Variants in LRCH3 observed in about 807,000 individuals in gnomAD.
LRCH3 encodes leucine rich repeats and calponin homology domain containing 3.
In LRCH3, 68 loss-of-function variants were observed where a neutral mutation model predicts 104.5. The ratio of observed to expected loss-of-function variants is 0.65; its 90% confidence interval spans 0.54 to 0.80. LRCH3 has a LOEUF of 0.80. Among genes scored for constraint, LRCH3 ranks in the 30% least tolerant of loss-of-function variants. LRCH3 has a pLI of 0.00. For missense variants in LRCH3, 951 were observed against 953.9 expected (o/e 1.00, Z 0.04); for synonymous variants, 344 against 361.3 (o/e 0.95, Z 0.54).
At chr3:197,834,535 C>T (rs1736419787) in intron 8 of LRCH3, among the ~76,000 whole-genome samples, 2 of 152,202 alleles carry the variant, frequency 1.3e-5, no homozygotes, top group Admixed American at 1.3e-4. Context: ...TACCTTTTCT[C>T]TTTTTTGTGT....
chr3:197,876,549 A>G (rs1712912477), intron 20 of LRCH3, among the ~76,000 whole-genome samples: 2 of 152,242 alleles, frequency 1.3e-5, no homozygotes, highest in African/African-American at 2.4e-5. Context: ...ACTAAGTATT[A>G]TACTATTAAG....
intron 10 of LRCH3, 133 bp from the exon 11 acceptor site, chr3:197,847,276 C>A: frequency 1.3e-6 from 1 of 759,404 alleles, no homozygotes; most frequent in Non-Finnish European, 2.1e-6. Flanking sequence ...GCTACTCCTT[C>A]AATGCTAACT....
At chr3:197,880,280 A>C (rs1713628526) in intron 20 of LRCH3, among the ~76,000 whole-genome samples, 1 of 152,216 alleles carries the variant, frequency 6.6e-6, no homozygotes, top group Non-Finnish European at 1.5e-5. Context: ...ACCAGTCACC[A>C]ACAAACGAAT....
chr3:197,871,272 CTA>C (rs1317335896), intron 18 of LRCH3, 51 bp from the exon 19 acceptor site: 2 of 1,368,006 alleles, frequency 1.5e-6, no homozygotes. Flanking sequence ...CCCTTATGTC[CTA>C]TATGTCAGTC....
At chr3:197,864,622 AAC>A (rs1000736040) in intron 15 of LRCH3, among the ~76,000 whole-genome samples, 4 of 148,888 alleles carry the variant, frequency 2.7e-5, no homozygotes, top group African/African-American at 9.9e-5. Context: ...AAAAAAAAAA[AAC>A]AAAAAACAAA....
At chr3:197,862,029 C>T (rs1374224054) in intron 15 of LRCH3, among the ~76,000 whole-genome samples, 1 of 152,216 alleles carries the variant, frequency 6.6e-6, no homozygotes, top group Non-Finnish European at 1.5e-5. Context: ...GACTCTTGCT[C>T]TGTCGCTCAG....
At chr3:197,860,709 G>A (rs1225676501) in intron 15 of LRCH3, among the ~76,000 whole-genome samples, 1 of 151,932 alleles carries the variant, frequency 6.6e-6, no homozygotes, top group African/African-American at 2.4e-5. Flanking sequence ...CAGGTAAATG[G>A]GCTATCCATC....
intron 1 of LRCH3, among the ~76,000 whole-genome samples, chr3:197,804,298 AG>A (rs1732232344): frequency 6.6e-6 from 1 of 152,118 alleles, no homozygotes; most frequent in Non-Finnish European, 1.5e-5. Context: ...GGTGGCAATA[AG>A]CAAAGAAGAA....
chr3:197,804,207 G>A (rs1169827606), intron 1 of LRCH3, among the ~76,000 whole-genome samples: 1 of 151,976 alleles, frequency 6.6e-6, no homozygotes, highest in Non-Finnish European at 1.5e-5. Context: ...AGGTTGCAAT[G>A]AGCCAAGATT....
Position 197,863,364 on chromosome 3 carries a change from C to T in LRCH3, c.1717-2059C>T, listed in dbSNP as rs112781539. On this transcript the variant is annotated intron_variant, in intron 15 of 20. Coordinates refer to ENST00000425562, the MANE Select transcript of LRCH3 (RefSeq NM_001365715.1). ...TGCAACCTCCGCCTCCATGTTCAAGCGATTCTCCTGCCTCAGCCTCCCAAG... is the reference window on the plus strand; with the variant it reads ...TGCAACCTCCGCCTCCATGTTCAAGTGATTCTCCTGCCTCAGCCTCCCAAG... Among the ~76,000 whole-genome samples, 282 of 152,222 alleles carry T rather than the reference C, an allele frequency of 1.9e-3. 3 individuals are homozygous for T. The highest frequency in any genetic ancestry group is 6.4e-3 in the African/African-American group (267 of 41,550).
intron 8 of LRCH3, among the ~76,000 whole-genome samples, chr3:197,834,951 C>T (rs12631302): frequency 2.0e-5 from 3 of 151,076 alleles, no homozygotes; most frequent in African/African-American, 4.9e-5. Context: ...GGAGACCAGC[C>T]TGGCCAACAT....
At chr3:197,874,494 G>A (rs1016324244) in intron 19 of LRCH3, among the ~76,000 whole-genome samples, 6 of 151,954 alleles carry the variant, frequency 3.9e-5, no homozygotes, top group Non-Finnish European at 7.4e-5. Context: ...TCTACATTAC[G>A]GTAGATTTCA....
Position 197,819,691 on chromosome 3 carries a change from G to A in LRCH3, c.535-634G>A, listed in dbSNP as rs558336215. 4.6e-5 allele frequency among the ~76,000 whole-genome samples: 7 copies of A among 151,828 alleles called. No individual in the cohort carries two copies. In the South Asian group the frequency reaches 1.0e-3, roughly 23 times the overall value. On this transcript the variant is annotated intron_variant, in intron 3 of 20. Transcript: ENST00000425562. ...AGATCGTGCTATTGCACTCCAGCTCGGGTGACAACAGTGAGACTCCATCTC... is the reference window on the plus strand; with the variant it reads ...AGATCGTGCTATTGCACTCCAGCTCAGGTGACAACAGTGAGACTCCATCTC...
intron 10 of LRCH3, among the ~76,000 whole-genome samples, chr3:197,843,684 GAAAA>G (rs879341567): frequency 7.0e-6 from 1 of 142,396 alleles, no homozygotes; most frequent in African/African-American, 2.6e-5. Context: ...CATCTCAAAA[GAAAA>G]AAAAAAAGTC....
chr3:197,792,606 A>ATATATATATATATATATATATATAT (rs1233845852), intron 1 of LRCH3, among the ~76,000 whole-genome samples: 28 of 37,982 alleles, frequency 7.4e-4, no homozygotes, highest in Non-Finnish European at 1.3e-3. Flanking sequence ...TATATATATA[A>ATATATATATATATATATATATATAT]AATATACATA....
intron 19 of LRCH3, among the ~76,000 whole-genome samples, chr3:197,873,366 T>C (rs913967953): frequency 1.2e-4 from 19 of 152,172 alleles, no homozygotes; most frequent in Non-Finnish European, 2.6e-4. Flanking sequence ...CAGGGACCTG[T>C]CCTAGGCCAC....
chr3:197,814,227 C>G (rs1172158007), intron 1 of LRCH3, among the ~76,000 whole-genome samples: 1 of 152,076 alleles, frequency 6.6e-6, no homozygotes, highest in African/African-American at 2.4e-5. Flanking sequence ...TACACGGCAG[C>G]GGCAGGAGAA....
chr3:197,843,886 C>G (rs956645700), intron 10 of LRCH3, among the ~76,000 whole-genome samples: 4 of 152,106 alleles, frequency 2.6e-5, no homozygotes, highest in African/African-American at 9.7e-5. Flanking sequence ...GTCTCTGTTC[C>G]AAATCCCTGA....
chr3:197,864,231 G>A (rs188769914), intron 15 of LRCH3, among the ~76,000 whole-genome samples: 99 of 152,210 alleles, frequency 6.5e-4, no homozygotes, highest in East Asian at 2.7e-3. Context: ...ACTTGAACCC[G>A]AAAGGCAGAG....
Sources: allele counts gnomAD v4.1 joint callset (sites outside exome capture counted in the v4.1 genomes callset), GRCh38; gene constraint gnomAD v4.1.1; transcripts MANE v1.5; gene names NCBI Gene and HGNC (gene_info 2026-07-23, HGNC 2026-07-21).